ACTR3C: variants seen among roughly 807,000 people sequenced by gnomAD.
ACTR3C encodes actin related protein 3C, also known as actin-related protein 3C.
A neutral mutation model predicts 26.3 loss-of-function variants in ACTR3C; 18 were observed. That is an observed-to-expected ratio of 0.68 (90% CI 0.47 to 1.01). The LOEUF (loss-of-function observed/expected upper bound fraction) is 1.01. Among genes scored for constraint, ACTR3C ranks in the 50% least tolerant of loss-of-function variants. ACTR3C has a pLI of 0.00. For missense variants in ACTR3C, 184 were observed against 250.7 expected, an observed-to-expected ratio of 0.73 and a Z score of 1.80; for synonymous variants, 55 against 94.5, an observed-to-expected ratio of 0.58 and a Z score of 2.42.
chr7:150,115,239 C>A, the ACTR3C span, among the ~76,000 whole-genome samples: 2 of 152,222 alleles, frequency 1.3e-5, no homozygotes, highest in Non-Finnish European at 2.9e-5. Context: ...CAAACCCCAA[C>A]TCTTTCATTC....
At chr7:150,025,453 C>T in the ACTR3C span, among the ~76,000 whole-genome samples, 1 of 152,104 alleles carries the variant, frequency 6.6e-6, no homozygotes, top group Non-Finnish European at 1.5e-5. Flanking sequence ...ACTAATTTAA[C>T]TAGCTGCATT....
the ACTR3C span, among the ~76,000 whole-genome samples, chr7:149,925,936 A>T: frequency 6.6e-6 from 1 of 151,934 alleles, no homozygotes; most frequent in Non-Finnish European, 1.5e-5. Flanking sequence ...GGTGGCATGC[A>T]CCTGTAGTCC....
the ACTR3C span, among the ~76,000 whole-genome samples, chr7:149,979,635 A>C: frequency 3.3e-5 from 5 of 151,982 alleles, no homozygotes; most frequent in Non-Finnish European, 1.5e-5. Context: ...ATCCTTTAAA[A>C]CTTGTATTTA....
At chr7:150,276,402 C>T (rs1215317717) in intron 6 of ACTR3C, among the ~76,000 whole-genome samples, 1 of 152,142 alleles carries the variant, frequency 6.6e-6, no homozygotes, top group Non-Finnish European at 1.5e-5. Flanking sequence ...AGAGGACAGC[C>T]CTATTAGAAG....
the ACTR3C span, among the ~76,000 whole-genome samples, chr7:149,942,561 T>A: frequency 6.6e-6 from 1 of 151,340 alleles, no homozygotes; most frequent in East Asian, 1.9e-4. Flanking sequence ...TGTCCAGAGA[T>A]CCCTTAAGCT....
the ACTR3C span, among the ~76,000 whole-genome samples, chr7:150,056,333 G>A: frequency 6.6e-6 from 1 of 152,140 alleles, no homozygotes; most frequent in Non-Finnish European, 1.5e-5. Flanking sequence ...TGCATTAGGA[G>A]CAATAAAACT....
At chr7:150,011,446 A>T in the ACTR3C span, among the ~76,000 whole-genome samples, 1,082 of 152,234 alleles carry the variant, frequency 7.1e-3, 11 homozygotes, top group Non-Finnish European at 7.8e-3. Context: ...TTAGCCAGGC[A>T]TGATGGTGAG....
chr7:149,993,728 G>C, the ACTR3C span, among the ~76,000 whole-genome samples: 1 of 152,054 alleles, frequency 6.6e-6, no homozygotes, highest in Non-Finnish European at 1.5e-5. Flanking sequence ...TACTCATTGG[G>C]GACAGTAATT....
At chr7:150,110,943 G>A in the ACTR3C span, among the ~76,000 whole-genome samples, 13 of 149,812 alleles carry the variant, frequency 8.7e-5, no homozygotes, top group Admixed American at 1.3e-4. Context: ...ATTGGAGAGA[G>A]GGCCCCCTTG....
chr7:150,136,788 G>A, the ACTR3C span, among the ~76,000 whole-genome samples: 1 of 152,204 alleles, frequency 6.6e-6, no homozygotes, highest in Non-Finnish European at 1.5e-5. Context: ...TCTGCTGCGA[G>A]GGCTCAGCCA....
chr7:150,109,110 C>T, the ACTR3C span, among the ~76,000 whole-genome samples: 1 of 151,998 alleles, frequency 6.6e-6, no homozygotes, highest in Admixed American at 6.6e-5. Flanking sequence ...TGGATTTAAG[C>T]AAATGCACAT....
chr7:149,960,952 T>C, the ACTR3C span, among the ~76,000 whole-genome samples: 1 of 151,052 alleles, frequency 6.6e-6, no homozygotes, highest in African/African-American at 2.4e-5. Flanking sequence ...AGAGGAAGTG[T>C]GGGCTCACAG....
the ACTR3C span, among the ~76,000 whole-genome samples, chr7:150,005,805 C>A: frequency 6.6e-6 from 1 of 152,348 alleles, no homozygotes; most frequent in South Asian, 2.1e-4. Context: ...ACACAGCAGG[C>A]TCTCTGCTGC....
chr7:149,980,812 A>T, the ACTR3C span, among the ~76,000 whole-genome samples: 1 of 152,234 alleles, frequency 6.6e-6, no homozygotes, highest in African/African-American at 2.4e-5. Context: ...TGTTTTGTAA[A>T]AGGTAAGAAT....
chr7:150,146,464 T>C, the ACTR3C span, among the ~76,000 whole-genome samples: 2 of 152,212 alleles, frequency 1.3e-5, no homozygotes, highest in African/African-American at 4.8e-5. Flanking sequence ...TCTTTTCAAA[T>C]TGACATTATC....
At chr7:149,940,285 T>A in the ACTR3C span, among the ~76,000 whole-genome samples, 114 of 151,948 alleles carry the variant, frequency 7.5e-4, no homozygotes, top group Non-Finnish European at 7.5e-4. Context: ...AGCAATTATA[T>A]GTGTTTGTCT....
chr7:150,250,323 C>G (rs936503886), intron 6 of ACTR3C, among the ~76,000 whole-genome samples: 2 of 151,008 alleles, frequency 1.3e-5, no homozygotes, highest in African/African-American at 4.9e-5. Flanking sequence ...CCTGCCTCAG[C>G]CTCCCGAGTA....
the ACTR3C span, among the ~76,000 whole-genome samples, chr7:149,901,648 G>A: frequency 1.3e-5 from 2 of 152,042 alleles, no homozygotes; most frequent in African/African-American, 4.8e-5. Context: ...GGCCGGCACA[G>A]TGGCTCACGC....
chr7:150,199,087 C>T, the ACTR3C span, among the ~76,000 whole-genome samples: 1 of 150,882 alleles, frequency 6.6e-6, no homozygotes. Flanking sequence ...GCCCGGCCGC[C>T]CCCCCGTCTG....
Sources: gnomAD v4.1 joint callset for allele counts (sites outside exome capture counted in the v4.1 genomes callset) on GRCh38, gnomAD v4.1.1 for gene constraint, MANE v1.5 for transcripts, NCBI Gene and HGNC (gene_info 2026-07-23, HGNC 2026-07-21) for gene names.